Variants in PKHD1 observed in about 807,000 individuals in gnomAD.
PKHD1 encodes PKHD1 ciliary IPT domain containing fibrocystin/polyductin.
In PKHD1, 291 loss-of-function variants were observed where a neutral mutation model predicts 412.0. The observed-to-expected ratio is 0.71, with a 90% CI of 0.64 to 0.78. The LOEUF is 0.78. PKHD1 is among the 30% of genes least tolerant of loss of function. PKHD1 has a pLI of 0.00. For missense variants in PKHD1, 4,825 were observed against 4,950.7 expected (o/e 0.97, Z 0.76); for synonymous variants, 1,777 against 1,821.5 (o/e 0.98, Z 0.62).
chr6:51,870,092 G>A (rs1404975655), intron 47 of PKHD1, among the ~76,000 whole-genome samples: 2 of 152,114 alleles, frequency 1.3e-5, no homozygotes, highest in Non-Finnish European at 2.9e-5. Flanking sequence ...GCTCCTTCAG[G>A]AAAGGCTGTA....
intron 52 of PKHD1, among the ~76,000 whole-genome samples, chr6:51,800,769 C>T (rs1284222703): frequency 6.6e-6 from 1 of 152,118 alleles, no homozygotes; most frequent in African/African-American, 2.4e-5. Context: ...TGTATCAGGC[C>T]CCATAACTTA....
rs142534811 is a variant in PKHD1 at position 52,064,536 on chromosome 6, T to C, written c.976+419A>G. On this transcript the variant is annotated intron_variant, in intron 13 of 66. Coordinates refer to ENST00000371117, the MANE Select transcript of PKHD1 (RefSeq NM_138694.4). ...TTAAATGCATCCCATTGTGCCCTAC[T>C]CTCCGACCTTGTCTAATGCTGTTGT... is the stretch of plus-strand genomic sequence containing the variant. Among the ~76,000 whole-genome samples, 326 of 152,262 alleles carry C rather than the reference T, an allele frequency of 2.1e-3. 3 individuals carry two copies. The highest frequency in any genetic ancestry group is 7.5e-3 in the African/African-American group (313 of 41,560).
In PKHD1 at chr6:51,619,174, C is replaced by T. The variant is rs1019065408; in HGVS notation, c.12132G>A (p.Leu4044=). Residue 4044 remains leucine (L), a synonymous_variant, in exon 67 of 67, where the codon TTG becomes TTA. Coordinates refer to ENST00000371117, the MANE Select transcript of PKHD1 (RefSeq NM_138694.4). ...QSRLSKQSGS[L]GLSQEKKASC... ...AGGCTTTCTTCTCTTGGGAAAGCCC[C>T]AAGCTGCCACTTTGCTTACTCAGCC... The T allele has an allele frequency of 6.2e-7, 1 of 1,614,128 alleles. No homozygotes were observed. Among genetic ancestry groups the T allele is most frequent in the African/African-American group, 1.3e-5 (1 of 74,954 alleles).
At chr6:51,869,229 T>C (rs1775572259) in intron 47 of PKHD1, among the ~76,000 whole-genome samples, 1 of 152,158 alleles carries the variant, frequency 6.6e-6, no homozygotes, top group Non-Finnish European at 1.5e-5. Flanking sequence ...CACAACTTAC[T>C]TCTTGGATTC....
chr6:51,731,680 T>C (rs1249214040), intron 60 of PKHD1, among the ~76,000 whole-genome samples: 1 of 152,154 alleles, frequency 6.6e-6, no homozygotes, highest in African/African-American at 2.4e-5. Context: ...TTACCAGGGA[T>C]AAATAGAGTC....
chr6:51,794,882 C>G (rs959948902), intron 52 of PKHD1, among the ~76,000 whole-genome samples: 1 of 152,116 alleles, frequency 6.6e-6, no homozygotes, highest in Non-Finnish European at 1.5e-5. Flanking sequence ...GTCTATGTGT[C>G]TGTTCTTGTA....
chr6:52,043,482 A>G, intron 26 of PKHD1, 143 bp downstream of exon 26: 1 of 713,052 alleles, frequency 1.4e-6, no homozygotes, highest in Non-Finnish European at 2.5e-6. Flanking sequence ...GGACCAAAAA[A>G]TACACTTTCT....
At chr6:51,682,931 A>T (rs566624265) in intron 60 of PKHD1, among the ~76,000 whole-genome samples, 4 of 152,204 alleles carry the variant, frequency 2.6e-5, no homozygotes, top group Admixed American at 2.6e-4. Context: ...GGGAGAATAC[A>T]TAAAAGTTAT....
chr6:52,068,661 G>A (rs1368976936), intron 11 of PKHD1, among the ~76,000 whole-genome samples: 1 of 152,148 alleles, frequency 6.6e-6, no homozygotes, highest in Non-Finnish European at 1.5e-5. Flanking sequence ...ACTTAACAAG[G>A]TCTGACATTC....
In PKHD1 at chr6:51,941,550, C is replaced by T. The variant is rs1191690636; in HGVS notation, c.5909-7228G>A. Among the ~76,000 whole-genome samples the T allele has an allele frequency of 6.0e-5, 9 of 151,176 alleles. No homozygotes were observed. The South Asian group carries it at 1.0e-3, about 17-fold the overall frequency. On this transcript the variant is annotated intron_variant, in intron 36 of 66. Coordinates refer to ENST00000371117, the MANE Select transcript of PKHD1 (RefSeq NM_138694.4). Reference sequence around the variant, plus strand: ...GATTACAGGCGTGAGCCACCGCACCCAGCCCAGCATGGCCTTTTAAAGCCT... The same window carrying T: ...GATTACAGGCGTGAGCCACCGCACCTAGCCCAGCATGGCCTTTTAAAGCCT...
chr6:51,842,066 C>T (rs1471434484), intron 50 of PKHD1, among the ~76,000 whole-genome samples: 1 of 152,240 alleles, frequency 6.6e-6, no homozygotes, highest in Non-Finnish European at 1.5e-5. Flanking sequence ...TTTCCATGCA[C>T]AGCCCTCTTG....
intron 52 of PKHD1, among the ~76,000 whole-genome samples, chr6:51,823,137 T>A (rs1410351801): frequency 1.3e-5 from 2 of 150,930 alleles, no homozygotes. Flanking sequence ...AAGGAAAGCA[T>A]CATAGGTGTT....
At position 51,775,922 on chromosome 6, in the gene PKHD1, C is replaced by G. The variant is rs1484189435; in HGVS notation, c.8441-1G>C. On this transcript the variant is annotated splice_acceptor_variant, in intron 53 of 66. Transcript: ENST00000371117. LOFTEE classifies it high-confidence loss of function. The stretch of plus-strand genomic sequence containing the variant: ...TTTTCTAAGGGATTTTCTAAAGTAC[C>G]TGTTTACAAAGAAAAGTATATCATT... 7.3e-7 allele frequency: 1 copy of G among 1,369,590 alleles called. No homozygotes were observed. The highest frequency in any genetic ancestry group is 1.0e-6 in the Non-Finnish European group (1 of 959,030). The allele number at this position is 1,369,590 out of a possible 1,614,324, so 84.8% of individuals were successfully genotyped here.
intron 37 of PKHD1, among the ~76,000 whole-genome samples, chr6:51,917,039 A>T (rs1783906462): frequency 6.6e-6 from 1 of 151,960 alleles, no homozygotes; most frequent in South Asian, 2.1e-4. Context: ...GGAGAAAAAT[A>T]AAATAATCCT....
At chr6:51,897,848 G>A (rs1445998065) in intron 43 of PKHD1, among the ~76,000 whole-genome samples, 1 of 149,246 alleles carries the variant, frequency 6.7e-6, no homozygotes, top group East Asian at 2.0e-4. Flanking sequence ...AACAAAAAAA[G>A]GCAGGGGTTG....
At chr6:51,805,138 T>A (rs1419181382) in intron 52 of PKHD1, among the ~76,000 whole-genome samples, 1 of 152,162 alleles carries the variant, frequency 6.6e-6, no homozygotes, top group Non-Finnish European at 1.5e-5. Flanking sequence ...TACCTGCCCA[T>A]CAATGGTGGA....
At position 52,069,584 on chromosome 6, in the gene PKHD1, T is replaced by A. The variant is rs1002596558; in HGVS notation, c.708-57A>T. ...AAAATATCAACTGGGATTGCATTTTTTTTAGTCGGCTGCCTGAAAGGAAGA... is the reference window on the plus strand; with the variant it reads ...AAAATATCAACTGGGATTGCATTTTATTTAGTCGGCTGCCTGAAAGGAAGA... On this transcript the variant is annotated intron_variant, in intron 10 of 66. Coordinates refer to ENST00000371117, the MANE Select transcript of PKHD1 (RefSeq NM_138694.4). 79 of 1,331,796 alleles carry A rather than the reference T, an allele frequency of 5.9e-5. No individual in the cohort carries two copies. In the Middle Eastern group the frequency reaches 9.0e-4, roughly 15 times the overall value. 82.5% of individuals were successfully genotyped at this position (1,331,796 alleles called of 1,614,324 possible). A position where few individuals can be genotyped will look rare whatever the true frequency, so the allele number is the denominator to read the frequency against.
intron 60 of PKHD1, among the ~76,000 whole-genome samples, chr6:51,716,420 AC>A (rs1384297533): frequency 1.3e-5 from 2 of 152,224 alleles, no homozygotes; most frequent in Non-Finnish European, 2.9e-5. Flanking sequence ...CAAATGTAAT[AC>A]AATGGTTTAG....
At chr6:52,043,981 T>C (rs1225131397) in intron 25 of PKHD1, among the ~76,000 whole-genome samples, 2 of 152,174 alleles carry the variant, frequency 1.3e-5, no homozygotes, top group African/African-American at 4.8e-5. Context: ...ATTGAGTAAA[T>C]TTATCTCTGT....
Sources: allele counts gnomAD v4.1 joint callset (sites outside exome capture counted in the v4.1 genomes callset), GRCh38; gene constraint gnomAD v4.1.1; transcripts MANE v1.5; gene names NCBI Gene and HGNC (gene_info 2026-07-23, HGNC 2026-07-21).